Variants in PDE1C observed in about 807,000 individuals in gnomAD.
PDE1C encodes the protein dual specificity calcium/calmodulin-dependent 3',5'-cyclic nucleotide phosphodiesterase 1C.
Under a neutral mutation model 93.1 loss-of-function variants are expected in PDE1C, and 62 were observed. The observed-to-expected ratio is 0.67, with a 90% CI of 0.54 to 0.82. The LOEUF (loss-of-function observed/expected upper bound fraction) is 0.82, where lower values mean the gene tolerates loss of function less well. Ranked by LOEUF, PDE1C falls within the 40% of genes least tolerant of loss-of-function variation. The pLI is 0.00. For synonymous variants in PDE1C, 325 were observed against 310.1 expected, an observed-to-expected ratio of 1.05 and a Z score of -0.50; for missense variants, 742 against 884.6, an observed-to-expected ratio of 0.84 and a Z score of 2.04.
chr7:31,698,775 T>C, the PDE1C span, among the ~76,000 whole-genome samples: 1 of 152,196 alleles, frequency 6.6e-6, no homozygotes, highest in Non-Finnish European at 1.5e-5. Context: ...GAATGGGAGA[T>C]AGAAATTGCT....
intron 11 of PDE1C, among the ~76,000 whole-genome samples, chr7:31,836,140 A>C (rs1310407320): frequency 6.6e-6 from 1 of 152,196 alleles, no homozygotes; most frequent in Non-Finnish European, 1.5e-5. Context: ...TCTATGTATC[A>C]TGTCTTCAAT....
intron 3 of PDE1C, among the ~76,000 whole-genome samples, chr7:32,092,062 T>A (rs1006135032): frequency 2.6e-5 from 4 of 152,124 alleles, no homozygotes; most frequent in African/African-American, 9.7e-5. Context: ...CCCTATGTTC[T>A]AAGAGGGCAG....
At chr7:32,146,126 A>G (rs1800819137) in intron 3 of PDE1C, among the ~76,000 whole-genome samples, 1 of 151,930 alleles carries the variant, frequency 6.6e-6, no homozygotes, top group Non-Finnish European at 1.5e-5. Flanking sequence ...ACTTCCCAGG[A>G]CTCTAAGGTT....
At chr7:31,717,833 G>A in the PDE1C span, among the ~76,000 whole-genome samples, 27 of 152,030 alleles carry the variant, frequency 1.8e-4, 2 homozygotes, top group South Asian at 2.1e-3. Flanking sequence ...CTCTTAATGC[G>A]GAAGGAGAGA....
chr7:31,877,028 AT>A (rs1318332571), intron 5 of PDE1C, among the ~76,000 whole-genome samples: 1 of 152,190 alleles, frequency 6.6e-6, no homozygotes, highest in African/African-American at 2.4e-5. Flanking sequence ...TGAATAGGTA[AT>A]TTAGCTTCTG....
intron 2 of PDE1C, among the ~76,000 whole-genome samples, chr7:31,933,109 A>C (rs1804548804): frequency 6.6e-6 from 1 of 152,082 alleles, no homozygotes; most frequent in Non-Finnish European, 1.5e-5. Flanking sequence ...ACAAATACCT[A>C]ATGCATACAG....
chr7:31,861,409 A>G (rs948011494), intron 7 of PDE1C, among the ~76,000 whole-genome samples: 1 of 151,970 alleles, frequency 6.6e-6, no homozygotes, highest in African/African-American at 2.4e-5. Flanking sequence ...TATGTCCAAG[A>G]CTACCTAATC....
chr7:32,320,472 A>G (rs955320198), intron 1 of PDE1C, among the ~76,000 whole-genome samples: 1 of 152,124 alleles, frequency 6.6e-6, no homozygotes, highest in African/African-American at 2.4e-5. Context: ...GTTTACCTAT[A>G]TAACAAACCT....
intron 1 of PDE1C, among the ~76,000 whole-genome samples, chr7:32,370,610 G>A (rs1360303631): frequency 6.6e-6 from 1 of 150,904 alleles, no homozygotes; most frequent in Non-Finnish European, 1.5e-5. Flanking sequence ...ACACAGGGTG[G>A]AGAACATCAC....
At chr7:32,136,477 C>A (rs1269665516) in intron 3 of PDE1C, among the ~76,000 whole-genome samples, 1 of 152,064 alleles carries the variant, frequency 6.6e-6, no homozygotes, top group African/African-American at 2.4e-5. Flanking sequence ...CACTAACAAT[C>A]CCACTAACCC....
the PDE1C span, among the ~76,000 whole-genome samples, chr7:31,712,870 A>G: frequency 1.3e-5 from 2 of 152,154 alleles, no homozygotes; most frequent in Non-Finnish European, 2.9e-5. Flanking sequence ...CTTATTCACT[A>G]TCACGAGAAC....
intron 11 of PDE1C, among the ~76,000 whole-genome samples, chr7:31,833,399 G>A (rs1454785750): frequency 6.6e-6 from 1 of 152,184 alleles, no homozygotes; most frequent in East Asian, 1.9e-4. Flanking sequence ...ATGTGGAAGC[G>A]ACTTTAGAAG....
At chr7:31,863,926 C>G (rs1322547381) in intron 7 of PDE1C, among the ~76,000 whole-genome samples, 1 of 152,054 alleles carries the variant, frequency 6.6e-6, no homozygotes. Context: ...CCCACATATT[C>G]CATTTTTAAT....
chr7:31,867,595 C>T (rs920598461), intron 6 of PDE1C, among the ~76,000 whole-genome samples: 5 of 152,180 alleles, frequency 3.3e-5, no homozygotes, highest in African/African-American at 9.7e-5. Context: ...ATGCTTGGAA[C>T]TGAGGGGTTA....
At chr7:32,087,925 A>G (rs771042211) in intron 3 of PDE1C, among the ~76,000 whole-genome samples, 1 of 151,948 alleles carries the variant, frequency 6.6e-6, no homozygotes, top group Non-Finnish European at 1.5e-5. Context: ...TGGGTGCAGC[A>G]CACCAGCATG....
the PDE1C span, among the ~76,000 whole-genome samples, chr7:31,724,261 C>A: frequency 6.6e-6 from 1 of 152,154 alleles, no homozygotes. Context: ...GAAGTGCCAG[C>A]CTTGTCTGAC....
intron 1 of PDE1C, among the ~76,000 whole-genome samples, chr7:32,061,051 T>C (rs1214266227): frequency 6.6e-6 from 1 of 152,226 alleles, no homozygotes; most frequent in African/African-American, 2.4e-5. Flanking sequence ...GATTAATCTT[T>C]CACTTCCATA....
intron 2 of PDE1C, among the ~76,000 whole-genome samples, chr7:31,907,190 G>A (rs565647326): frequency 4.9e-4 from 74 of 152,018 alleles, no homozygotes; most frequent in African/African-American, 1.7e-3. Flanking sequence ...CAAGGATGCC[G>A]AGAGCAAGAA....
intron 1 of PDE1C, among the ~76,000 whole-genome samples, chr7:32,384,411 A>C (rs1350494366): frequency 2.6e-5 from 4 of 152,250 alleles, no homozygotes. Context: ...AGATAAGGGA[A>C]GTATAGGGTA....
Sources: gnomAD v4.1 joint callset for allele counts (sites outside exome capture counted in the v4.1 genomes callset) on GRCh38, gnomAD v4.1.1 for gene constraint, MANE v1.5 for transcripts, NCBI Gene and HGNC (gene_info 2026-07-23, HGNC 2026-07-21) for gene names.